DVL2: variants seen among roughly 807,000 people sequenced by gnomAD.
DVL2 encodes dishevelled segment polarity protein 2, also known as segment polarity protein dishevelled homolog DVL-2.
In DVL2, 38 loss-of-function variants were observed where a neutral mutation model predicts 69.8. That is an observed-to-expected ratio of 0.54 (90% confidence interval 0.42 to 0.71). DVL2 has a LOEUF of 0.71. Among genes scored for constraint, DVL2 ranks in the 30% least tolerant of loss-of-function variants. The pLI is 0.00. For missense variants in DVL2, 931 were observed against 1,008.1 expected (o/e 0.92, Z 1.04); for synonymous variants, 428 against 392.4 (o/e 1.09, Z -1.07).
chr17:7,230,170 A>G lies in DVL2; in HGVS notation c.411-15T>C. The G allele has an allele frequency of 1.2e-6, 2 of 1,613,098 alleles. No homozygotes were observed. Among genetic ancestry groups the G allele is most frequent in the South Asian group, 1.1e-5 (1 of 91,014 alleles). The stretch of plus-strand genomic sequence containing the variant: ...ACACATTAGGGCTGGACAGGCAGAG[A>G]TGGTTTCCAACCCACATCAGGAGAA... On this transcript the variant is annotated splice_polypyrimidine_tract_variant and intron_variant, in intron 3 of 14. Transcript: ENST00000005340.
At position 7,226,051 on chromosome 17, in the gene DVL2, GA is replaced by G; in HGVS notation, c.2024del (p.Leu675ProfsTer6). 6.2e-7 allele frequency: 1 copy of G among 1,607,912 alleles called. No individual in the cohort carries two copies. Among genetic ancestry groups the G allele is most frequent in the Non-Finnish European group, 8.5e-7 (1 of 1,176,586 alleles). On this transcript the variant is annotated frameshift_variant, in exon 15 of 15. Coordinates refer to ENST00000005340, the MANE Select transcript of DVL2 (RefSeq NM_004422.3). LOFTEE classifies it high-confidence loss of function. ...HPYGPPPGMA[L>X]PYNPMMVVMM... ...TGACCACCATCATGGGGTTGTAGGGGAGGGCCATGCCAGGGGGCGGTCCATA... is the reference window on the plus strand; with the variant it reads ...TGACCACCATCATGGGGTTGTAGGGGGGGCCATGCCAGGGGGCGGTCCATA...
chr17:7,230,404 G>C lies in DVL2; in HGVS notation c.291C>G (p.Pro97=). ...SWLVSSDNPQ[P]EMAPPVHEPR... is the part of the protein sequence containing the mutation. The stretch of plus-strand genomic sequence containing the variant: ...GCTCATGGACTGGAGGGGCCATCTC[G>C]GGTTGGGGATTATCTGAGGACACCA... The change falls in exon 3 of 15, where the codon CCC becomes CCG. Residue 97 remains proline (P), a synonymous_variant. Transcript: ENST00000005340. 2 of 1,614,160 alleles carry C rather than the reference G, an allele frequency of 1.2e-6. No homozygotes were observed. Among genetic ancestry groups the C allele is most frequent in the Non-Finnish European group, 1.7e-6 (2 of 1,180,032 alleles).
rs776994069 is a variant in DVL2, at chr17:7,234,191, C to G, written c.72G>C (p.Glu24Asp). Residue 24 changes from glutamate (E) to aspartate (D), a missense_variant, in exon 1 of 15, where the codon GAG (glutamate) becomes GAC (aspartate). By Grantham distance (45) the Glu-to-Asp change is conservative. This residue lies in a region of DVL2 where 555 missense variants were observed against 588.8 expected (regional missense o/e 0.94). Transcript: ENST00000005340. ...TKVIYHLDEE[E>D]TPYLVKIPVP... is the part of the protein sequence containing the mutation. Reference sequence around the variant, plus strand: ...CAGGGATCTTCACCAGGTAGGGAGTCTCTTCCTCATCCAGGTGGTAAATCA... The same window carrying G: ...CAGGGATCTTCACCAGGTAGGGAGTGTCTTCCTCATCCAGGTGGTAAATCA... The G allele has an allele frequency of 6.2e-7, 1 of 1,614,172 alleles. No individual in the cohort carries two copies. Among genetic ancestry groups the G allele is most frequent in the Non-Finnish European group, 8.5e-7 (1 of 1,180,020 alleles).
At chr17:7,233,084 T>A (rs2071567913) in intron 1 of DVL2, among the ~76,000 whole-genome samples, 2 of 39,970 alleles carry the variant, frequency 5.0e-5, no homozygotes, top group Non-Finnish European at 9.3e-5. Flanking sequence ...AGCGAGACTG[T>A]CTCAAAAAAA....
At position 7,230,380 on chromosome 17, in the gene DVL2, C is replaced by A; in HGVS notation, c.315G>T (p.Glu105Asp). The change falls in exon 3 of 15, where the codon GAG becomes GAT. Residue 105 changes from glutamate (E) to aspartate (D), a missense_variant. Glu to Asp is a conservative substitution (Grantham distance 45, BLOSUM62 2). This residue lies in a region of DVL2 where 555 missense variants were observed against 588.8 expected (regional missense o/e 0.94). Coordinates refer to ENST00000005340, the MANE Select transcript of DVL2 (RefSeq NM_004422.3). ...PQPEMAPPVH[E>D]PRAELAPPAP... is the part of the protein sequence containing the mutation. ...CTGGAGGCGCCAGTTCTGCCCGAGG[C>A]TCATGGACTGGAGGGGCCATCTCGG... 6.2e-7 allele frequency: 1 copy of A among 1,614,172 alleles called. No individual in the cohort carries two copies. Among genetic ancestry groups the A allele is most frequent in the Non-Finnish European group, 8.5e-7 (1 of 1,180,036 alleles).
In DVL2 at chr17:7,229,831, C is replaced by T. The variant is rs372152954; in HGVS notation, c.633G>A (p.Ser211=). The change falls in exon 5 of 15, where the codon TCG becomes TCA. Residue 211 remains serine, a synonymous_variant. Transcript: ENST00000005340. The surrounding 1 kb of genome is among the most constrained non-coding windows in gnomAD (Gnocchi z 4.4). The stretch of plus-strand genomic sequence containing the variant: ...ACCTGCTCATGGTGTCCTCCTCGTC[C>T]GAGTCCCCCAGGCTGGTACTCTCCA... The part of the protein sequence containing the change: ...SELESTSLGD[S]DEEDTMSRFS... The T allele has an allele frequency of 2.2e-5, 36 of 1,612,208 alleles. No individual in the cohort carries two copies. The highest frequency in any genetic ancestry group is 1.1e-4 in the African/African-American group (8 of 74,914).
At chr17:7,231,625 G>A (rs2071544745) in intron 1 of DVL2, among the ~76,000 whole-genome samples, 1 of 151,326 alleles carries the variant, frequency 6.6e-6, no homozygotes, top group Admixed American at 6.6e-5. Flanking sequence ...CACTTTGAGA[G>A]GCCAAAGTGG....
intron 1 of DVL2, among the ~76,000 whole-genome samples, chr17:7,233,543 A>G (rs1455596640): frequency 1.3e-5 from 2 of 152,026 alleles, no homozygotes; most frequent in Non-Finnish European, 2.9e-5. Context: ...TCCCAGGTTC[A>G]AGAGATTCTC....
Position 7,227,676 on chromosome 17 carries a change from A to G in DVL2, c.1210T>C (p.Ser404Pro), listed in dbSNP as rs1276906750. The G allele has an allele frequency of 6.2e-7, 1 of 1,614,032 alleles. No individual in the cohort carries two copies. Among genetic ancestry groups the G allele is most frequent in the Non-Finnish European group, 8.5e-7 (1 of 1,180,022 alleles). ...PGSSSMSTIT[S>P]GSSLPDGCEG... ...TCACCATCAGGCAAAGACGATCCAG[A>G]TGTAATGGTGCTCATGGAGGAGGAA... Residue 404 changes from serine (S) to proline (P), a missense_variant, in exon 11 of 15, where the codon TCT (serine) becomes CCT (proline). Around this residue, in one of 3 missense-constraint regions of DVL2, gnomAD observed 555 missense variants for 588.8 expected, o/e 0.94. Transcript: ENST00000005340.
Position 7,230,370 on chromosome 17 carries a change from C to G in DVL2, c.325G>C (p.Glu109Gln). ...MAPPVHEPRA[E>Q]LAPPAPPLPP... ...AAAGGTGGGGCTGGAGGCGCCAGTT[C>G]TGCCCGAGGCTCATGGACTGGAGGG... Residue 109 changes from glutamate to glutamine, a missense_variant, in exon 3 of 15, where the codon GAA becomes CAA. Glu to Gln is a conservative substitution (Grantham distance 29, BLOSUM62 2). This residue lies in a region of DVL2 where 555 missense variants were observed against 588.8 expected (regional missense o/e 0.94). Transcript: ENST00000005340. 1 of 1,614,174 alleles carries G rather than the reference C, an allele frequency of 6.2e-7. No individual in the cohort carries two copies.
intron 1 of DVL2, among the ~76,000 whole-genome samples, chr17:7,233,717 G>T (rs1282699666): frequency 6.6e-6 from 1 of 152,104 alleles, no homozygotes; most frequent in Admixed American, 6.5e-5. Context: ...CAAAGTGCTG[G>T]GATTACAGGC....
Position 7,234,346 on chromosome 17 carries a change from ACGCGCGAG to A in DVL2, c.-92_-85del. On this transcript the variant is annotated 5_prime_UTR_variant, in exon 1 of 15. Coordinates refer to ENST00000005340, the MANE Select transcript of DVL2 (RefSeq NM_004422.3). ...CGCGCCTGCGCACACCCGCAAACCG[ACGCGCGAG>A]CGCGGACAGGACTGACCCAGTACGG... 6.8e-7 allele frequency: 1 copy of A among 1,481,324 alleles called. No homozygotes were observed. The highest frequency in any genetic ancestry group is 9.1e-7 in the Non-Finnish European group (1 of 1,093,066). 91.8% of individuals were successfully genotyped at this position (1,481,324 alleles called of 1,614,324 possible).
Position 7,227,647 on chromosome 17 carries a change from C to T in DVL2, c.1231+8G>A, listed in dbSNP as rs148237525. 103 of 1,614,150 alleles carry T rather than the reference C, an allele frequency of 6.4e-5. 1 individual carries two copies. The East Asian group carries it at 1.3e-3, about 21-fold the overall frequency. On this transcript the variant is annotated splice_region_variant and intron_variant, in intron 11 of 14. Coordinates refer to ENST00000005340, the MANE Select transcript of DVL2 (RefSeq NM_004422.3). ...GGGAGGGTGGGATGAGGTGGGCTGG[C>T]GGCTCACCATCAGGCAAAGACGATC...
At chr17:7,228,324 A>G in intron 9 of DVL2, 1 of 285,012 alleles carries the variant, frequency 3.5e-6, no homozygotes, top group Non-Finnish European at 6.7e-6. Flanking sequence ...TGCAGTGTTC[A>G]AGGATACGTG....
intron 1 of DVL2, among the ~76,000 whole-genome samples, chr17:7,231,005 G>A (rs1240655097): frequency 6.6e-6 from 1 of 152,070 alleles, no homozygotes; most frequent in Non-Finnish European, 1.5e-5. Flanking sequence ...TCTCCCTAAC[G>A]CACCCTCAGG....
intron 1 of DVL2, among the ~76,000 whole-genome samples, chr17:7,231,572 C>T (rs1465583366): frequency 1.3e-5 from 2 of 150,728 alleles, no homozygotes; most frequent in African/African-American, 4.9e-5. Context: ...AGTAAAAACA[C>T]CCATTAGAGG....
chr17:7,226,591 G>A lies in DVL2; in HGVS notation c.1592C>T (p.Ser531Leu), dbSNP rs1567572088. The A allele has an allele frequency of 6.2e-7, 1 of 1,600,702 alleles. No individual in the cohort carries two copies. The highest frequency in any genetic ancestry group is 1.7e-5 in the Admixed American group (1 of 57,296). ...CAGAGGAGCCAGGGTATCCTGGTCT[G>A]AAGCCCCACTGGAGCCATCGTTGTC... ...LNDNDGSSGA[S>L]DQDTLAPLPG... Residue 531 changes from serine (S) to leucine (L), a missense_variant, in exon 14 of 15, where the codon TCA becomes TTA. Ser to Leu is a moderately radical substitution (Grantham distance 145). Coordinates refer to ENST00000005340, the MANE Select transcript of DVL2 (RefSeq NM_004422.3).
chr17:7,227,970 C>A lies in DVL2; in HGVS notation c.1102+7G>T. 2 of 1,575,714 alleles carry A rather than the reference C, an allele frequency of 1.3e-6. No individual in the cohort carries two copies. The highest frequency in any genetic ancestry group is 2.4e-5 in the South Asian group (2 of 83,786). On this transcript the variant is annotated splice_region_variant and intron_variant, in intron 10 of 14. Transcript: ENST00000005340. ...CAACTTCAGGCCCCTCCCTGAGTGT[C>A]ACTCACTTCGGGGGAGAGTGAAATA...
Position 7,229,231 on chromosome 17 carries a change from A to G in DVL2, c.861T>C (p.Asn287=), listed in dbSNP as rs1359949362. Residue 287 remains asparagine (N), a synonymous_variant, in exon 8 of 15, where the codon AAT becomes AAC. Coordinates refer to ENST00000005340, the MANE Select transcript of DVL2 (RefSeq NM_004422.3). The surrounding 1 kb of genome is among the most constrained non-coding windows in gnomAD (Gnocchi z 4.4). ...TGTAGATGCCTCCGTCTCCCCGCTC[A>G]TTGCTCTGGCCAACAATGGAGATAC... The part of the protein sequence containing the change: ...FLGISIVGQS[N]ERGDGGIYIG... 6 of 1,614,030 alleles carry G rather than the reference A, an allele frequency of 3.7e-6. No individual in the cohort carries two copies. The highest frequency in any genetic ancestry group is 5.1e-6 in the Non-Finnish European group (6 of 1,179,998).
Sources: gnomAD v4.1 joint callset for allele counts (sites outside exome capture counted in the v4.1 genomes callset) on GRCh38, gnomAD v4.1.1 for gene constraint, gnomAD v4.1.1 regional missense constraint, Gnocchi (gnomAD v3.1) non-coding constraint, MANE v1.5 for transcripts, NCBI Gene and HGNC (gene_info 2026-07-23, HGNC 2026-07-21) for gene names.